The following ZFYVE28 variants were observed in gnomAD, a reference collection of about 807,000 sequenced individuals.
ZFYVE28 encodes lateral signaling target protein 2 homolog.
In ZFYVE28, 40 loss-of-function variants were observed where a neutral mutation model predicts 82.1. That is an observed-to-expected ratio of 0.49 (90% CI 0.38 to 0.63). ZFYVE28 has a LOEUF of 0.63. ZFYVE28 is among the 30% of genes least tolerant of loss of function. ZFYVE28 has a pLI of 0.00. For synonymous variants in ZFYVE28, 612 were observed against 546.1 expected, an observed-to-expected ratio of 1.12 and a Z score of -1.68; for missense variants, 1,321 against 1,242.1, an observed-to-expected ratio of 1.06 and a Z score of -0.96.
rs181599016 is a variant in ZFYVE28 at position 2,312,473 on chromosome 4, A to G, written c.804-6937T>C. Among the ~76,000 whole-genome samples the G allele has an allele frequency of 2.5e-3, 383 of 152,338 alleles. 2 individuals carry two copies. The highest frequency in any genetic ancestry group is 7.6e-3 in the African/African-American group (314 of 41,576). The stretch of plus-strand genomic sequence containing the variant: ...GCCGGGCGCGGTGGCTCACGCCTGT[A>G]ATCATAGCACTTTGGGAGGCCGAGG... On this transcript the variant is annotated intron_variant, in intron 7 of 12. Transcript: ENST00000290974.
chr4:2,392,922 G>A (rs1479503860), intron 1 of ZFYVE28, among the ~76,000 whole-genome samples: 5 of 152,190 alleles, frequency 3.3e-5, no homozygotes, highest in Admixed American at 1.3e-4. Context: ...AGAAAAATAT[G>A]TCCATGTAGA....
chr4:2,334,263 G>C (rs978026608), intron 6 of ZFYVE28, among the ~76,000 whole-genome samples: 1 of 152,112 alleles, frequency 6.6e-6, no homozygotes, highest in Non-Finnish European at 1.5e-5. Flanking sequence ...CCACGCTGGA[G>C]CCCTCCCGGA....
intron 1 of ZFYVE28, among the ~76,000 whole-genome samples, chr4:2,380,678 T>C (rs1728636678): frequency 1.3e-5 from 2 of 152,178 alleles, no homozygotes; most frequent in East Asian, 1.9e-4. Flanking sequence ...ATTTGAATCA[T>C]GGGGGTGATT....
intron 6 of ZFYVE28, chr4:2,330,959 A>G: frequency 6.5e-7 from 1 of 1,534,012 alleles, no homozygotes; most frequent in Non-Finnish European, 8.7e-7. Flanking sequence ...TGGATGGGTG[A>G]GGGCCCCTGA....
chr4:2,339,563 GTCC>G lies in ZFYVE28; in HGVS notation c.408_410del (p.Glu136del), dbSNP rs1722419109. ...CCTGGTCACGGAGGGCGCCCCGCACGTCCTCCAGGCTGCGCGTCAGCTCCTTGG... is the reference window on the plus strand; with the variant it reads ...CCTGGTCACGGAGGGCGCCCCGCACGTCCAGGCTGCGCGTCAGCTCCTTGG... On this transcript the variant is annotated inframe_deletion, in exon 4 of 13. Transcript: ENST00000290974. The surrounding 1 kb of genome is among the most constrained non-coding windows in gnomAD (Gnocchi z 5.0). 1 of 1,613,046 alleles carries G rather than the reference GTCC, an allele frequency of 6.2e-7. No individual in the cohort carries two copies. The highest frequency in any genetic ancestry group is 8.5e-7 in the Non-Finnish European group (1 of 1,179,776).
intron 1 of ZFYVE28, among the ~76,000 whole-genome samples, chr4:2,386,609 C>T (rs751342324): frequency 6.6e-6 from 1 of 152,170 alleles, no homozygotes; most frequent in Non-Finnish European, 1.5e-5. Flanking sequence ...TACCTTGGCT[C>T]TCTCTCCTAA....
chr4:2,274,155 T>C lies in ZFYVE28; in HGVS notation c.2113A>G (p.Thr705Ala), dbSNP rs752501009. Reference protein sequence around the residue: ...KMGPEAAPAATHAAPQATREK... With the variant: ...KMGPEAAPAAAHAAPQATREK... ...CTTGTGGCCTGTGGGGCAGCATGCGTGGCTGCTGGGGCCGCCTCTGGCCCC... is the reference window on the plus strand; with the variant it reads ...CTTGTGGCCTGTGGGGCAGCATGCGCGGCTGCTGGGGCCGCCTCTGGCCCC... Residue 705 changes from threonine (T) to alanine (A), a missense_variant, in exon 9 of 13, where the codon ACG (threonine) becomes GCG (alanine). Around this residue, in one of 2 missense-constraint regions of ZFYVE28, gnomAD observed 978 missense variants for 833.7 expected, o/e 1.17. Coordinates refer to ENST00000290974, the MANE Select transcript of ZFYVE28 (RefSeq NM_020972.3). 1 of 1,613,714 alleles carries C rather than the reference T, an allele frequency of 6.2e-7. No homozygotes were observed. The highest frequency in any genetic ancestry group is 1.1e-5 in the South Asian group (1 of 91,080).
intron 1 of ZFYVE28, among the ~76,000 whole-genome samples, chr4:2,401,914 T>G (rs1459974180): frequency 1.3e-5 from 2 of 152,214 alleles, no homozygotes; most frequent in Non-Finnish European, 2.9e-5. Flanking sequence ...ACCAGTTCAC[T>G]TGGCCCTCCC....
intron 1 of ZFYVE28, among the ~76,000 whole-genome samples, chr4:2,377,229 G>C (rs1728251018): frequency 6.6e-6 from 1 of 152,204 alleles, no homozygotes; most frequent in South Asian, 2.1e-4. Context: ...TGCCGTGTTA[G>C]CCAGGATGGT....
chr4:2,413,755 G>C (rs952762175), intron 1 of ZFYVE28, among the ~76,000 whole-genome samples: 5 of 152,248 alleles, frequency 3.3e-5, no homozygotes, highest in Admixed American at 2.6e-4. Flanking sequence ...GCTTGGCATG[G>C]GGCATGGACG....
intron 8 of ZFYVE28, among the ~76,000 whole-genome samples, chr4:2,279,879 C>A (rs1711725353): frequency 6.6e-6 from 1 of 151,912 alleles, no homozygotes. Flanking sequence ...ACCGTGGTCG[C>A]AACAGCTGAA....
At chr4:2,382,413 A>G (rs1197715531) in intron 1 of ZFYVE28, among the ~76,000 whole-genome samples, 1 of 152,232 alleles carries the variant, frequency 6.6e-6, no homozygotes, top group Non-Finnish European at 1.5e-5. Context: ...ACAGGGGTGG[A>G]GCTGCCCAAG....
intron 10 of ZFYVE28, among the ~76,000 whole-genome samples, chr4:2,272,296 G>A (rs146820267): frequency 1.2e-3 from 178 of 152,310 alleles, no homozygotes; most frequent in African/African-American, 4.1e-3. Flanking sequence ...CCATGTGCCC[G>A]GACGCCCCAT....
intron 1 of ZFYVE28, among the ~76,000 whole-genome samples, chr4:2,355,840 G>T (rs142549193): frequency 0.013 from 2,020 of 152,318 alleles, 20 homozygotes; most frequent in Middle Eastern, 0.034. Context: ...GCCTCCCAAA[G>T]TTGCGGAGAT....
In ZFYVE28 at chr4:2,304,521, G is replaced by A. The variant is rs751905989; in HGVS notation, c.1819C>T (p.Pro607Ser). The change falls in exon 8 of 13, where the codon CCT becomes TCT. Residue 607 changes from proline to serine, a missense_variant. By Grantham distance (74) the Pro-to-Ser change is moderately conservative (BLOSUM62 -1). Transcript: ENST00000290974. ...GGGGGCGCCTCCTCCTGTCTCTCAGGGGCCCTGTCGCTGGCCTTGGCTAAG... is the reference window on the plus strand; with the variant it reads ...GGGGGCGCCTCCTCCTGTCTCTCAGAGGCCCTGTCGCTGGCCTTGGCTAAG... The part of the protein sequence containing the change: ...AGLAKASDRA[P>S]ERQEEAPPPS... 1.6e-5 allele frequency: 25 copies of A among 1,612,506 alleles called. No homozygotes were observed. The highest frequency in any genetic ancestry group is 1.8e-5 in the Non-Finnish European group (21 of 1,179,724).
intron 8 of ZFYVE28, among the ~76,000 whole-genome samples, chr4:2,301,070 G>A (rs1715440440): frequency 6.6e-6 from 1 of 152,144 alleles, no homozygotes; most frequent in Non-Finnish European, 1.5e-5. Flanking sequence ...TTGAATTTGG[G>A]TGAACTTTCT....
intron 1 of ZFYVE28, 113 bp from the exon 2 acceptor site, chr4:2,354,186 G>A (rs1004239747): frequency 2.5e-6 from 3 of 1,188,348 alleles, no homozygotes; most frequent in Admixed American, 3.9e-5. Context: ...CTTCCACCCT[G>A]AGCAGCAGCC....
In ZFYVE28 at chr4:2,395,741, C is replaced by G. The variant is rs545843047; in HGVS notation, c.39+22544G>C. Among the ~76,000 whole-genome samples, 22 of 152,336 alleles carry G rather than the reference C, an allele frequency of 1.4e-4. No homozygotes were observed. In the South Asian group the frequency reaches 3.5e-3, roughly 24 times the overall value. On this transcript the variant is annotated intron_variant, in intron 1 of 12. Transcript: ENST00000290974. ...CCAGAAGAGGTGGCCGGACCCAACA[C>G]GCCAGGGACAGCCTTTGACCGCGGT...
chr4:2,396,143 ATG>A (rs1560333398), intron 1 of ZFYVE28, among the ~76,000 whole-genome samples: 51 of 26,182 alleles, frequency 1.9e-3, no homozygotes, highest in Admixed American at 4.0e-3. Context: ...GTCTGAGCTG[ATG>A]GGACCAGCCA....
Sources: gnomAD v4.1 joint callset for allele counts (sites outside exome capture counted in the v4.1 genomes callset) on GRCh38, gnomAD v4.1.1 for gene constraint, gnomAD v4.1.1 regional missense constraint, Gnocchi (gnomAD v3.1) non-coding constraint, MANE v1.5 for transcripts, NCBI Gene and HGNC (gene_info 2026-07-23, HGNC 2026-07-21) for gene names.